The following ATF7IP variants were observed in gnomAD, a reference collection of about 807,000 sequenced individuals.
The protein encoded by ATF7IP is activating transcription factor 7-interacting protein 1.
In ATF7IP, 23 loss-of-function variants were observed where a neutral mutation model predicts 106.4. That is an observed-to-expected ratio of 0.22 (90% CI 0.16 to 0.31). The LOEUF is 0.31. ATF7IP is among the 10% of genes least tolerant of loss of function. ATF7IP has a pLI of 1.00. For synonymous variants in ATF7IP, 542 were observed against 539.0 expected (o/e 1.01, Z -0.08); for missense variants, 1,334 against 1,524.3 (o/e 0.88, Z 2.08).
At chr12:14,463,533 A>G (rs2136735286) in intron 9 of ATF7IP, among the ~76,000 whole-genome samples, 1 of 152,312 alleles carries the variant, frequency 6.6e-6, no homozygotes, top group East Asian at 1.9e-4. Context: ...AAATGTGATG[A>G]GTGTTAGAAT....
chr12:14,406,696 G>T (rs1591804049), intron 1 of ATF7IP, among the ~76,000 whole-genome samples: 1 of 135,576 alleles, frequency 7.4e-6, no homozygotes, highest in African/African-American at 2.8e-5. Context: ...ATGGAGTCTC[G>T]CTCTTTTGCC....
intron 13 of ATF7IP, among the ~76,000 whole-genome samples, chr12:14,483,680 G>A (rs1944499374): frequency 6.6e-6 from 1 of 152,076 alleles, no homozygotes; most frequent in South Asian, 2.1e-4. Flanking sequence ...GGGAGAAACA[G>A]CACCATATAT....
chr12:14,475,764 C>A, intron 10 of ATF7IP, 126 bp from the exon 11 acceptor site: 2 of 626,700 alleles, frequency 3.2e-6, no homozygotes, highest in South Asian at 2.2e-5. Context: ...TCAGGTACAG[C>A]CATTTAAGGG....
chr12:14,483,838 C>T (rs899204474), intron 13 of ATF7IP, among the ~76,000 whole-genome samples: 2 of 152,022 alleles, frequency 1.3e-5, no homozygotes, highest in African/African-American at 4.8e-5. Context: ...ATGGTAAGAC[C>T]AGTGGATTCC....
intron 3 of ATF7IP, 78 bp from the exon 4 acceptor site, chr12:14,436,028 T>G (rs1466401571): frequency 2.8e-6 from 4 of 1,411,002 alleles, no homozygotes; most frequent in Non-Finnish European, 3.9e-6. Flanking sequence ...GAAATAATAT[T>G]TTGCTAAGGA....
At chr12:14,491,816 G>A (rs557065038) in intron 13 of ATF7IP, among the ~76,000 whole-genome samples, 22 of 152,298 alleles carry the variant, frequency 1.4e-4, no homozygotes, top group South Asian at 4.1e-4. Context: ...AGCAGCTGCA[G>A]TTAGAGTCAC....
chr12:14,501,256 G>C lies in ATF7IP; in HGVS notation c.*3183G>C, dbSNP rs1945153000. Reference sequence around the variant, plus strand: ...AGCTAGATTCTCCCAGTTTGGGAATGCAAGTTTGCTACATTTTTAGCCTGG... The same window carrying C: ...AGCTAGATTCTCCCAGTTTGGGAATCCAAGTTTGCTACATTTTTAGCCTGG... On this transcript the variant is annotated 3_prime_UTR_variant, in exon 15 of 15. Transcript: ENST00000261168. The C allele has an allele frequency of 6.6e-6, 1 of 152,178 alleles. No homozygotes were observed. The highest frequency in any genetic ancestry group is 6.5e-5 in the Admixed American group (1 of 15,282). 9.4% of individuals were successfully genotyped at this position (152,178 alleles called of 1,614,324 possible).
chr12:14,404,128 T>A (rs1940418283), intron 1 of ATF7IP, among the ~76,000 whole-genome samples: 1 of 69,894 alleles, frequency 1.4e-5, no homozygotes, highest in Non-Finnish European at 2.7e-5. Flanking sequence ...TACACATTTG[T>A]AAGCTTTTTT....
At chr12:14,426,059 A>T (rs1386310147) in intron 2 of ATF7IP, among the ~76,000 whole-genome samples, 1 of 152,070 alleles carries the variant, frequency 6.6e-6, no homozygotes, top group Non-Finnish European at 1.5e-5. Context: ...TCATTTTCTG[A>T]ATGAGCTCCC....
chr12:14,482,403 C>T (rs1402165549), intron 13 of ATF7IP: 1 of 153,414 alleles, frequency 6.5e-6, no homozygotes, highest in African/African-American at 2.4e-5. Flanking sequence ...AATCCCCAAA[C>T]TGAAGAATTT....
At chr12:14,493,971 G>T (rs930581233) in intron 13 of ATF7IP, among the ~76,000 whole-genome samples, 4 of 151,712 alleles carry the variant, frequency 2.6e-5, no homozygotes, top group South Asian at 2.1e-4. Flanking sequence ...ATGTTCCTTG[G>T]TTCTCCACAT....
At chr12:14,491,467 C>G (rs752735590) in intron 13 of ATF7IP, among the ~76,000 whole-genome samples, 1 of 152,182 alleles carries the variant, frequency 6.6e-6, no homozygotes, top group Non-Finnish European at 1.5e-5. Context: ...TCCTCTGGCA[C>G]ACAAATCTCT....
chr12:14,416,120 G>C (rs569722931), intron 1 of ATF7IP, among the ~76,000 whole-genome samples: 56 of 152,060 alleles, frequency 3.7e-4, no homozygotes, highest in Non-Finnish European at 7.8e-4. Context: ...TATTCTTTAT[G>C]ATTTTATTTT....
At chr12:14,386,005 C>G (rs1373094733) in intron 1 of ATF7IP, among the ~76,000 whole-genome samples, 1 of 152,024 alleles carries the variant, frequency 6.6e-6, no homozygotes, top group Non-Finnish European at 1.5e-5. Flanking sequence ...GTTCAAATTA[C>G]TTTTTGCTTA....
chr12:14,390,603 A>G (rs1939490864), intron 1 of ATF7IP, among the ~76,000 whole-genome samples: 1 of 152,246 alleles, frequency 6.6e-6, no homozygotes, highest in Non-Finnish European at 1.5e-5. Flanking sequence ...ATGAAATAAC[A>G]TTTTATAAAA....
chr12:14,385,977 A>G (rs1337770553), intron 1 of ATF7IP, among the ~76,000 whole-genome samples: 2 of 152,036 alleles, frequency 1.3e-5, no homozygotes, highest in Non-Finnish European at 2.9e-5. Flanking sequence ...GACATTTTTA[A>G]TGCTGCTTTG....
intron 13 of ATF7IP, among the ~76,000 whole-genome samples, chr12:14,494,456 G>A (rs1286539642): frequency 2.8e-5 from 4 of 142,368 alleles, no homozygotes; most frequent in Non-Finnish European, 6.1e-5. Flanking sequence ...TAAACTAATA[G>A]GGTATATACA....
At chr12:14,403,499 A>G (rs1349753119) in intron 1 of ATF7IP, among the ~76,000 whole-genome samples, 1 of 152,190 alleles carries the variant, frequency 6.6e-6, no homozygotes, top group Non-Finnish European at 1.5e-5. Context: ...TTCTTTGCAC[A>G]GTATATTTAT....
intron 13 of ATF7IP, 77 bp from the exon 14 acceptor site, chr12:14,496,154 C>T (rs1444092238): frequency 1.1e-6 from 1 of 921,522 alleles, no homozygotes; most frequent in Non-Finnish European, 1.7e-6. Flanking sequence ...TCACTGCCTT[C>T]AAATATTTAA....
Sources: gnomAD v4.1 joint callset for allele counts (sites outside exome capture counted in the v4.1 genomes callset) on GRCh38, gnomAD v4.1.1 for gene constraint, MANE v1.5 for transcripts, NCBI Gene and HGNC (gene_info 2026-07-23, HGNC 2026-07-21) for gene names.